PIP5K1B: variants seen among roughly 807,000 people sequenced by gnomAD.
The protein encoded by PIP5K1B is phosphatidylinositol-4-phosphate 5-kinase type 1 beta, also known as phosphatidylinositol 4-phosphate 5-kinase type-1 beta.
PIP5K1B carries 42 observed loss-of-function variants against 67.0 expected under a neutral mutation model. That is an observed-to-expected ratio of 0.63 (90% CI 0.49 to 0.81). PIP5K1B has a LOEUF of 0.81. Ranked by LOEUF, PIP5K1B falls within the 30% of genes least tolerant of loss-of-function variation. PIP5K1B has a pLI of 0.00. For synonymous variants in PIP5K1B, 214 were observed against 231.4 expected (o/e 0.92, Z 0.68); for missense variants, 459 against 646.3 (o/e 0.71, Z 3.14).
At chr9:68,775,480 A>G (rs1157085394) in intron 2 of PIP5K1B, among the ~76,000 whole-genome samples, 5 of 152,342 alleles carry the variant, frequency 3.3e-5, no homozygotes, top group South Asian at 2.1e-4. Flanking sequence ...ACAGCAGTCA[A>G]TCTGGTAACT....
chr9:68,803,309 C>T (rs1832703247), intron 2 of PIP5K1B, among the ~76,000 whole-genome samples: 1 of 152,126 alleles, frequency 6.6e-6, no homozygotes, highest in Non-Finnish European at 1.5e-5. Context: ...AAAGTCTGGG[C>T]TCAAAGAGTT....
intron 1 of PIP5K1B, among the ~76,000 whole-genome samples, chr9:68,713,528 C>T (rs1289337930): frequency 6.6e-6 from 1 of 152,162 alleles, no homozygotes; most frequent in Non-Finnish European, 1.5e-5. Context: ...GTATAAGCCT[C>T]CTGAAGTGTT....
chr9:68,968,517 A>AAC (rs1554749436), intron 14 of PIP5K1B, among the ~76,000 whole-genome samples: 1 of 151,986 alleles, frequency 6.6e-6, no homozygotes, highest in Admixed American at 6.6e-5. Context: ...AAAAAAAAAA[A>AAC]AAACCTGTTC....
At chr9:68,968,471 A>G (rs1829155315) in intron 14 of PIP5K1B, among the ~76,000 whole-genome samples, 1 of 149,212 alleles carries the variant, frequency 6.7e-6, no homozygotes, top group African/African-American at 2.5e-5. Context: ...GTGAACCGTA[A>G]TCAGCCTGAG....
chr9:68,766,438 T>C (rs1332916088), intron 2 of PIP5K1B, among the ~76,000 whole-genome samples: 1 of 152,174 alleles, frequency 6.6e-6, no homozygotes, highest in African/African-American at 2.4e-5. Context: ...AAAATTAACC[T>C]ACCTGCTTAT....
chr9:68,946,703 A>G (rs1827821788), intron 14 of PIP5K1B, among the ~76,000 whole-genome samples: 1 of 152,026 alleles, frequency 6.6e-6, no homozygotes, highest in Admixed American at 6.5e-5. Flanking sequence ...CTGTTCTTTT[A>G]TGTTTCTTAA....
rs374396865 is a variant in PIP5K1B at position 68,827,534 on chromosome 9, CATT to C, written c.69+4852_69+4854del. Among the ~76,000 whole-genome samples the C allele has an allele frequency of 1.8e-4, 27 of 152,250 alleles. No homozygotes were observed. In the South Asian group the frequency reaches 2.5e-3, roughly 14 times the overall value. On this transcript the variant is annotated intron_variant, in intron 4 of 15. Transcript: ENST00000265382. ...GTTTTCAGGCGGTGATGTACTGTAA[CATT>C]GTTGTAGGGGCTAGTGACAAATGAA...
chr9:68,894,706 T>C (rs1434833070), intron 8 of PIP5K1B, 68 bp downstream of exon 8: 5 of 1,419,552 alleles, frequency 3.5e-6, no homozygotes, highest in African/African-American at 1.4e-5. Context: ...CTGCCACTTA[T>C]TGAAAGCATA....
chr9:68,881,690 G>C (rs993162565), intron 6 of PIP5K1B, among the ~76,000 whole-genome samples: 41 of 152,176 alleles, frequency 2.7e-4, no homozygotes, highest in African/African-American at 9.4e-4. Flanking sequence ...TGCATAATTT[G>C]GATTGTGAGA....
At chr9:69,004,421 T>C (rs1830976591) in intron 15 of PIP5K1B, among the ~76,000 whole-genome samples, 1 of 151,966 alleles carries the variant, frequency 6.6e-6, no homozygotes, top group African/African-American at 2.4e-5. Context: ...GGGTCTGTAG[T>C]CTCTGAGCTC....
chr9:68,901,516 C>T (rs1289705890), intron 8 of PIP5K1B, among the ~76,000 whole-genome samples: 2 of 152,204 alleles, frequency 1.3e-5, no homozygotes, highest in Non-Finnish European at 2.9e-5. Flanking sequence ...GCCTCAGCCT[C>T]CTAAAGTGCT....
intron 1 of PIP5K1B, among the ~76,000 whole-genome samples, chr9:68,738,205 A>C (rs1183860323): frequency 6.6e-6 from 1 of 152,222 alleles, no homozygotes; most frequent in Non-Finnish European, 1.5e-5. Flanking sequence ...TCATAATATG[A>C]ACTATGAAAA....
intron 14 of PIP5K1B, among the ~76,000 whole-genome samples, chr9:68,973,982 A>T (rs1468669276): frequency 6.6e-6 from 1 of 152,126 alleles, no homozygotes; most frequent in African/African-American, 2.4e-5. Context: ...GGCTCAAGCG[A>T]TCCTCCCACC....
chr9:68,849,929 A>G (rs12336555), intron 4 of PIP5K1B, among the ~76,000 whole-genome samples: 2,063 of 152,232 alleles, frequency 0.014, 43 homozygotes, highest in African/African-American at 0.047. Context: ...TTGAGCCTAT[A>G]TTGTTTTTCA....
At chr9:68,714,016 A>C (rs1482195201) in intron 1 of PIP5K1B, among the ~76,000 whole-genome samples, 3 of 152,246 alleles carry the variant, frequency 2.0e-5, no homozygotes, top group African/African-American at 7.2e-5. Flanking sequence ...TTTTCTGACT[A>C]TGAAGCCCAT....
At chr9:68,915,522 T>C (rs1043048758) in intron 8 of PIP5K1B, among the ~76,000 whole-genome samples, 1 of 152,154 alleles carries the variant, frequency 6.6e-6, no homozygotes, top group Non-Finnish European at 1.5e-5. Context: ...TATGGTGCAG[T>C]GAGGCACTGA....
chr9:68,957,869 C>A (rs1828482913), intron 14 of PIP5K1B, among the ~76,000 whole-genome samples: 3 of 142,468 alleles, frequency 2.1e-5, no homozygotes, highest in Non-Finnish European at 3.0e-5. Context: ...TACCTGTTTT[C>A]TTTTCTTTTT....
chr9:68,785,615 TCATCTGAGG>T (rs1408319861), intron 2 of PIP5K1B, among the ~76,000 whole-genome samples: 2 of 152,216 alleles, frequency 1.3e-5, no homozygotes, highest in Non-Finnish European at 2.9e-5. Context: ...TCTATCACTA[TCATCTGAGG>T]CAAGTGCTAT....
chr9:68,844,738 A>G (rs1175740249), intron 4 of PIP5K1B, among the ~76,000 whole-genome samples: 1 of 152,204 alleles, frequency 6.6e-6, no homozygotes, highest in Non-Finnish European at 1.5e-5. Context: ...AGGACTAAAC[A>G]GAAATAAGCA....
Sources: allele counts gnomAD v4.1 joint callset (sites outside exome capture counted in the v4.1 genomes callset), GRCh38; gene constraint gnomAD v4.1.1; transcripts MANE v1.5; gene names NCBI Gene and HGNC (gene_info 2026-07-23, HGNC 2026-07-21).